The following KIFC1 variants were observed in gnomAD, a reference collection of about 807,000 sequenced individuals.
KIFC1 encodes kinesin family member C1, also known as kinesin-like protein KIFC1.
A neutral mutation model predicts 66.6 loss-of-function variants in KIFC1; 37 were observed. The observed-to-expected ratio is 0.56, with a 90% CI of 0.43 to 0.73. The LOEUF (loss-of-function observed/expected upper bound fraction) is 0.73. Ranked by LOEUF, KIFC1 falls within the 30% of genes least tolerant of loss-of-function variation. The pLI is 0.00. For synonymous variants in KIFC1, 325 were observed against 343.5 expected, an observed-to-expected ratio of 0.95 and a Z score of 0.60; for missense variants, 721 against 859.8, an observed-to-expected ratio of 0.84 and a Z score of 2.02.
chr6:33,406,408 G>C lies in KIFC1; in HGVS notation c.1749G>C (p.Arg583=). 6.2e-7 allele frequency: 1 copy of C among 1,609,672 alleles called. No homozygotes were observed. Among genetic ancestry groups the C allele is most frequent in the Non-Finnish European group, 8.5e-7 (1 of 1,176,838 alleles). Residue 583 remains arginine, a synonymous_variant, in exon 8 of 11, where the codon CGG becomes CGC. Transcript: ENST00000428849. The surrounding 1 kb of genome is among the most constrained non-coding windows in gnomAD (Gnocchi z 4.5). The part of the protein sequence containing the change: ...DPGLALGPGE[R]ERLRETQAIN... ...GCTTAGCCCTCGGCCCCGGGGAGCG[G>C]GAACGCCTTCGGGAAACACAGGCCA...
chr6:33,403,229 A>T lies in KIFC1; in HGVS notation c.251-85A>T. 1 of 1,241,226 alleles carries T rather than the reference A, an allele frequency of 8.1e-7. No homozygotes were observed. Among genetic ancestry groups the T allele is most frequent in the Non-Finnish European group, 1.2e-6 (1 of 845,604 alleles). The allele number at this position is 1,241,226 out of a possible 1,614,324, so 76.9% of individuals were successfully genotyped here. On this transcript the variant is annotated intron_variant, in intron 3 of 10. Transcript: ENST00000428849. This position sits in a 1 kb window ranked among gnomAD's most constrained non-coding sequence, Gnocchi z 4.6. ...TCCTATTTCTAATTCTGAGAAAAGC[A>T]CTTCTTCTGCCCCTGTCCTAGCAAG...
intron 10 of KIFC1, among the ~76,000 whole-genome samples, chr6:33,407,887 A>G (rs1302881108): frequency 1.3e-5 from 2 of 152,026 alleles, no homozygotes; most frequent in Non-Finnish European, 2.9e-5. Flanking sequence ...TAGCCCTTTG[A>G]TGGGCTCTGG....
chr6:33,391,705 C>T, upstream of KIFC1: 1 of 591,954 alleles, frequency 1.7e-6, no homozygotes, highest in Non-Finnish European at 3.0e-6. Flanking sequence ...AGACAAGGCG[C>T]CTGTCGGGCG....
In KIFC1 at chr6:33,405,112, T is replaced by C. The variant is rs761810574; in HGVS notation, c.1017T>C (p.Gly339=). 3 of 1,614,008 alleles carry C rather than the reference T, an allele frequency of 1.9e-6. No individual in the cohort carries two copies. Among genetic ancestry groups the C allele is most frequent in the South Asian group, 2.2e-5 (2 of 91,088 alleles). ...PGLLLFPSGP[G]GPSDPPTRLS... Reference sequence around the variant, plus strand: ...TCCTCCTGTTTCCCTCTGGCCCTGGTGGGCCCTCTGATCCTCCAACCCGCC... The same window carrying C: ...TCCTCCTGTTTCCCTCTGGCCCTGGCGGGCCCTCTGATCCTCCAACCCGCC... Residue 339 remains glycine (G), a synonymous_variant, in exon 7 of 11, where the codon GGT becomes GGC. Transcript: ENST00000428849. This position sits in a 1 kb window ranked among gnomAD's most constrained non-coding sequence, Gnocchi z 5.4.
At chr6:33,407,110 A>T in intron 10 of KIFC1, 2 of 1,390,726 alleles carry the variant, frequency 1.4e-6, no homozygotes, top group Non-Finnish European at 1.9e-6. Flanking sequence ...AGAAAAGGTG[A>T]CTAAAAGGTC....
At position 33,403,901 on chromosome 6, in the gene KIFC1, G is replaced by A. The variant is rs1392400493; in HGVS notation, c.528G>A (p.Gln176=). Residue 176 remains glutamine (Q), a synonymous_variant, in exon 6 of 11, where the codon CAG becomes CAA. Coordinates refer to ENST00000428849, the MANE Select transcript of KIFC1 (RefSeq NM_002263.4). This position sits in a 1 kb window ranked among gnomAD's most constrained non-coding sequence, Gnocchi z 4.6. ...QLQDQLRDAQ[Q]QVKALGTERT... ...AGGACCAGCTCAGAGATGCCCAGCA[G>A]CAGGTCAAGGCCCTGGGGACAGAGC... The A allele has an allele frequency of 6.2e-7, 1 of 1,614,242 alleles. No individual in the cohort carries two copies. The highest frequency in any genetic ancestry group is 8.5e-7 in the Non-Finnish European group (1 of 1,180,040).
intron 1 of KIFC1, among the ~76,000 whole-genome samples, chr6:33,397,420 C>G: frequency 6.6e-6 from 1 of 151,536 alleles, no homozygotes; most frequent in East Asian, 1.9e-4. Flanking sequence ...GACTCAGCCT[C>G]CCGAGTAGCT....
rs764537054 is a variant in KIFC1 at position 33,405,479 on chromosome 6, G to T, written c.1384G>T (p.Val462Leu). 6.2e-7 allele frequency: 1 copy of T among 1,612,210 alleles called. No individual in the cohort carries two copies. Among genetic ancestry groups the T allele is most frequent in the Admixed American group, 1.7e-5 (1 of 59,856 alleles). ...GACCTACAGCTTTGTAGCAAGCTAC[G>T]TAGAGATCTACAATGAGACTGTCCG... ...GWTYSFVASY[V>L]EIYNETVRDL... The change falls in exon 7 of 11, where the codon GTA becomes TTA. Residue 462 changes from valine (V) to leucine (L), a missense_variant. Coordinates refer to ENST00000428849, the MANE Select transcript of KIFC1 (RefSeq NM_002263.4). This position sits in a 1 kb window ranked among gnomAD's most constrained non-coding sequence, Gnocchi z 5.4.
chr6:33,397,905 T>G, intron 1 of KIFC1, 124 bp from the exon 2 acceptor site: 1 of 1,006,498 alleles, frequency 9.9e-7, no homozygotes, highest in Non-Finnish European at 1.5e-6. Flanking sequence ...TAATTCAGCT[T>G]TTGGCACAAG....
At chr6:33,395,984 C>A (rs1206980397) in intron 1 of KIFC1, among the ~76,000 whole-genome samples, 1 of 152,134 alleles carries the variant, frequency 6.6e-6, no homozygotes, top group Non-Finnish European at 1.5e-5. Context: ...CCTTCAAAAA[C>A]TGTAGAGTCC....
chr6:33,407,455 T>C (rs1775718386), intron 10 of KIFC1, among the ~76,000 whole-genome samples: 2 of 152,150 alleles, frequency 1.3e-5, no homozygotes, highest in African/African-American at 4.8e-5. Flanking sequence ...CCTATCAGCA[T>C]ACAGAGATCA....
rs565254608 is a variant in KIFC1 at position 33,397,071 on chromosome 6, C to A, written c.13-958C>A. On this transcript the variant is annotated intron_variant, in intron 1 of 10. Transcript: ENST00000428849. ...GTGTTGTGATCTCGGCTCACCGCAA[C>A]CTCCACCAATCGTTCAAGCGATTCT... Among the ~76,000 whole-genome samples, 336 of 147,206 alleles carry A rather than the reference C, an allele frequency of 2.3e-3. 4 individuals are homozygous for A. Among genetic ancestry groups the A allele is most frequent in the Admixed American group, 4.1e-3 (58 of 14,178 alleles).
chr6:33,409,147 C>T (rs1393782481), intron 10 of KIFC1, among the ~76,000 whole-genome samples: 1 of 152,140 alleles, frequency 6.6e-6, no homozygotes, highest in Non-Finnish European at 1.5e-5. Flanking sequence ...GCCTGGGCGA[C>T]AGAGCAAGAC....
rs1324899918 is a variant in KIFC1, at chr6:33,403,035, A to C, written c.251-279A>C. Among the ~76,000 whole-genome samples, 1 of 152,116 alleles carries C rather than the reference A, an allele frequency of 6.6e-6. No individual in the cohort carries two copies. Among genetic ancestry groups the C allele is most frequent in the Non-Finnish European group, 1.5e-5 (1 of 68,024 alleles). On this transcript the variant is annotated intron_variant, in intron 3 of 10. Coordinates refer to ENST00000428849, the MANE Select transcript of KIFC1 (RefSeq NM_002263.4). This position sits in a 1 kb window ranked among gnomAD's most constrained non-coding sequence, Gnocchi z 4.6. ...GGGAGCGTGTGCATAGACTATATTTAATACTATATACCTATTTATGTAAGG... is the reference window on the plus strand; with the variant it reads ...GGGAGCGTGTGCATAGACTATATTTCATACTATATACCTATTTATGTAAGG...
chr6:33,394,181 C>G (rs1331950407), intron 1 of KIFC1, among the ~76,000 whole-genome samples: 1 of 152,132 alleles, frequency 6.6e-6, no homozygotes, highest in East Asian at 1.9e-4. Flanking sequence ...GGGATAAAAT[C>G]ACCCCCAGTT....
At chr6:33,399,122 T>C (rs1367482951) in intron 3 of KIFC1, among the ~76,000 whole-genome samples, 1 of 152,196 alleles carries the variant, frequency 6.6e-6, no homozygotes, top group African/African-American at 2.4e-5. Context: ...GCACAGTGGC[T>C]CATGCCTGTA....
intron 1 of KIFC1, among the ~76,000 whole-genome samples, chr6:33,394,438 TC>T (rs1353750526): frequency 6.6e-6 from 1 of 152,150 alleles, no homozygotes; most frequent in South Asian, 2.1e-4. Flanking sequence ...AGGAGCAAGT[TC>T]AAAGCAGGGT....
In KIFC1 at chr6:33,403,555, A is replaced by G. The variant is rs1215190600; in HGVS notation, c.355+20A>G. ...CTGGCAGTAAGTGACAAACATAACC[A>G]CTGGGTGAGAGGCTGGGATAGGGAA... On this transcript the variant is annotated intron_variant, in intron 5 of 10. Coordinates refer to ENST00000428849, the MANE Select transcript of KIFC1 (RefSeq NM_002263.4). The surrounding 1 kb of genome is among the most constrained non-coding windows in gnomAD (Gnocchi z 4.6). The G allele has an allele frequency of 3.7e-6, 6 of 1,612,706 alleles. No individual in the cohort carries two copies. Among genetic ancestry groups the G allele is most frequent in the Non-Finnish European group, 4.2e-6 (5 of 1,178,676 alleles).
intron 1 of KIFC1, among the ~76,000 whole-genome samples, chr6:33,396,436 C>CTTTTTTTTTTTTTTTTTTT (rs199749552): frequency 3.4e-5 from 4 of 116,254 alleles, no homozygotes; most frequent in Admixed American, 9.3e-5. Context: ...CTTTTCTTTT[C>CTTTTTTTTTTTTTTTTTTT]TTTTTTTTTT....
Sources: allele counts gnomAD v4.1 joint callset (sites outside exome capture counted in the v4.1 genomes callset), GRCh38; gene constraint gnomAD v4.1.1; non-coding constraint Gnocchi (gnomAD v3.1); transcripts MANE v1.5; gene names NCBI Gene and HGNC (gene_info 2026-07-23, HGNC 2026-07-21).